PDXDC1: variants seen among roughly 807,000 people sequenced by gnomAD.
PDXDC1 encodes pyridoxal-dependent decarboxylase domain-containing protein 1.
Under a neutral mutation model 100.1 loss-of-function variants are expected in PDXDC1, and 42 were observed. That is an observed-to-expected ratio of 0.42 (90% confidence interval 0.33 to 0.54). The LOEUF is 0.54. Among genes scored for constraint, PDXDC1 ranks in the 20% least tolerant of loss-of-function variants. The pLI is 0.10. For missense variants in PDXDC1, 636 were observed against 979.2 expected (o/e 0.65, Z 4.68); for synonymous variants, 260 against 371.7 (o/e 0.70, Z 3.46).
the PDXDC1 span, among the ~76,000 whole-genome samples, chr16:15,148,217 A>G: frequency 6.6e-6 from 1 of 151,030 alleles, no homozygotes; most frequent in East Asian, 1.9e-4. Context: ...CTGCTCTCCT[A>G]AAGTGCTGGG....
chr16:15,047,335 C>CA (rs1157454438), intron 16 of PDXDC1: 1 of 762,322 alleles, frequency 1.3e-6, no homozygotes, highest in Admixed American at 2.0e-5. Flanking sequence ...ACGAGGCAGA[C>CA]ACGGCAGTGG....
At chr16:15,009,139 A>G (rs1180145167) in intron 7 of PDXDC1, among the ~76,000 whole-genome samples, 17 of 152,284 alleles carry the variant, frequency 1.1e-4, no homozygotes, top group Non-Finnish European at 2.4e-4. Context: ...TGAAGCTCCT[A>G]CTTTTAATGA....
downstream of PDXDC1, among the ~76,000 whole-genome samples, chr16:15,143,769 G>A (rs530774480): frequency 6.6e-6 from 1 of 152,348 alleles, no homozygotes; most frequent in Non-Finnish European, 1.5e-5. Flanking sequence ...AATGGCCCCA[G>A]ACAAACCAGA....
intron 15 of PDXDC1, 23 bp downstream of exon 15, chr16:15,028,989 T>C: frequency 6.2e-7 from 1 of 1,608,020 alleles, no homozygotes; most frequent in Non-Finnish European, 8.5e-7. Context: ...GTCACCCCCC[T>C]TTCCTTTCAG....
At position 15,128,473 on chromosome 16, in the gene PDXDC1, C is replaced by A. The variant is rs529901695; in HGVS notation, c.1400-10406C>A. On this transcript the variant is annotated intron_variant, in intron 16 of 16. Coordinates refer to the PDXDC1 transcript ENST00000535621. ...CCAGGCAAGTCATCTCAGCTTTGGC[C>A]TCCGCGCACTCAAGGAGCCACACAG... 5.2e-6 allele frequency: 4 copies of A among 771,258 alleles called. No homozygotes were observed. The South Asian group carries it at 6.1e-5, about 12-fold the overall frequency. The allele number at this position is 771,258 out of a possible 1,614,324, so 47.8% of individuals were successfully genotyped here.
chr16:15,001,189 T>C (rs1403402654), intron 3 of PDXDC1, among the ~76,000 whole-genome samples: 1 of 152,170 alleles, frequency 6.6e-6, no homozygotes, highest in African/African-American at 2.4e-5. Context: ...ACCCTGTTTC[T>C]ACCAAAAATA....
intron 6 of PDXDC1, 57 bp from the exon 7 acceptor site, chr16:15,008,722 A>C: frequency 6.5e-7 from 1 of 1,532,500 alleles, no homozygotes. Context: ...GCCTTTCACA[A>C]TCTGAAGTGA....
At chr16:15,124,068 C>T (rs1210776451) in intron 16 of PDXDC1, among the ~76,000 whole-genome samples, 1 of 152,210 alleles carries the variant, frequency 6.6e-6, no homozygotes, top group Non-Finnish European at 1.5e-5. Context: ...ACTGGCCTCT[C>T]AGGGACGTCC....
chr16:15,028,040 G>A (rs2042754851), intron 14 of PDXDC1, among the ~76,000 whole-genome samples: 2 of 152,264 alleles, frequency 1.3e-5, no homozygotes, highest in African/African-American at 4.8e-5. Context: ...CCTGCCCAGA[G>A]CCCCTGGGTA....
At chr16:15,151,945 A>C in the PDXDC1 span, among the ~76,000 whole-genome samples, 2 of 141,964 alleles carry the variant, frequency 1.4e-5, no homozygotes, top group African/African-American at 2.5e-5. Flanking sequence ...AAAAAAAAAA[A>C]AAAAAAAACA....
At chr16:15,054,879 C>T (rs1355328176) in intron 16 of PDXDC1, among the ~76,000 whole-genome samples, 1 of 152,214 alleles carries the variant, frequency 6.6e-6, no homozygotes, top group Non-Finnish European at 1.5e-5. Context: ...ACAGCTGTGA[C>T]AGATGAAACC....
intron 16 of PDXDC1, among the ~76,000 whole-genome samples, chr16:15,084,219 T>A (rs1234957967): frequency 1.3e-5 from 2 of 152,210 alleles, no homozygotes; most frequent in Non-Finnish European, 2.9e-5. Flanking sequence ...GGATTTTTTT[T>A]AAGTTAACAA....
At chr16:15,028,558 G>A (rs1191817664) in intron 14 of PDXDC1, among the ~76,000 whole-genome samples, 5 of 152,304 alleles carry the variant, frequency 3.3e-5, no homozygotes, top group African/African-American at 7.2e-5. Flanking sequence ...GATGATCGTG[G>A]CACTCACAGA....
rs574918680 is a variant in PDXDC1, at chr16:14,999,989, A to G, written c.161+1584A>G. Among the ~76,000 whole-genome samples, 5 of 152,408 alleles carry G rather than the reference A, an allele frequency of 3.3e-5. No individual in the cohort carries two copies. The East Asian group carries it at 9.6e-4, about 29-fold the overall frequency. On this transcript the variant is annotated intron_variant, in intron 3 of 22. Coordinates refer to ENST00000396410, the MANE Select transcript of PDXDC1 (RefSeq NM_015027.4). ...TATGGAGGAAGGATCACAGTGTGCC[A>G]ATAACACGCTGAGATACTAATACTT...
At chr16:15,133,463 G>A in intron 16 of PDXDC1, 3 of 882,932 alleles carry the variant, frequency 3.4e-6, no homozygotes, top group East Asian at 5.3e-5. Context: ...GGCAGTCTCG[G>A]GGGCGCCCTC....
In PDXDC1 at chr16:15,046,093, T is replaced by C. The variant is rs1038141692; in HGVS notation, c.1399+16037T>C. On this transcript the variant is annotated intron_variant, in intron 16 of 16. Transcript: ENST00000535621. ...CAGAGTGTGTGGCAACATAATGGCA[T>C]TGATTACGTCCCCCTGCGGGGGCCA... The C allele has an allele frequency of 3.3e-5, 5 of 152,246 alleles. No homozygotes were observed. In the East Asian group the frequency reaches 5.8e-4, roughly 18 times the overall value. The allele number at this position is 152,246 out of a possible 1,614,324, so 9.4% of individuals were successfully genotyped here. A position where few individuals can be genotyped will look rare whatever the true frequency, so the allele number is the denominator to read the frequency against.
In PDXDC1 at chr16:15,049,075, G is replaced by C. The variant is rs57316055; in HGVS notation, c.1399+19019G>C. ...CACCTGGCTGAGTTTTATACTTTTT[G>C]TAGCGACGGGGTCTCCCTATGCTCC... On this transcript the variant is annotated intron_variant, in intron 16 of 16. Transcript: ENST00000535621. 2.8e-3 allele frequency among the ~76,000 whole-genome samples: 416 copies of C among 146,252 alleles called. 2 individuals carry two copies. Among genetic ancestry groups the C allele is most frequent in the African/African-American group, 0.01 (397 of 38,724 alleles).
intron 16 of PDXDC1, among the ~76,000 whole-genome samples, chr16:15,058,628 G>C (rs1376416552): frequency 6.6e-6 from 1 of 152,278 alleles, no homozygotes; most frequent in East Asian, 1.9e-4. Flanking sequence ...TCAGGAGACT[G>C]AGGTGGGCGG....
At chr16:15,044,463 G>C (rs988560794) in intron 16 of PDXDC1, 15 of 1,137,302 alleles carry the variant, frequency 1.3e-5, no homozygotes, top group African/African-American at 1.5e-5. Flanking sequence ...TGCGTGCGCT[G>C]GTCTCACTTT....
Sources: gnomAD v4.1 joint callset for allele counts (sites outside exome capture counted in the v4.1 genomes callset) on GRCh38, gnomAD v4.1.1 for gene constraint, MANE v1.5 for transcripts, NCBI Gene and HGNC (gene_info 2026-07-23, HGNC 2026-07-21) for gene names.